The following ARL13B variants were observed in gnomAD, a reference collection of about 807,000 sequenced individuals.
ARL13B encodes the protein ADP-ribosylation factor-like protein 13B.
In ARL13B, 36 loss-of-function variants were observed where a neutral mutation model predicts 56.1. The observed-to-expected ratio is 0.64, with a 90% CI of 0.49 to 0.85. The LOEUF is 0.85. Ranked by LOEUF, ARL13B falls within the 40% of genes least tolerant of loss-of-function variation. The pLI, the probability that ARL13B is intolerant of heterozygous loss-of-function variation, is 0.00. For missense variants in ARL13B, 519 were observed against 507.1 expected (o/e 1.02, Z -0.23); for synonymous variants, 178 against 171.1 (o/e 1.04, Z -0.32).
At chr3:94,002,009 G>T (rs2076063889) in intron 2 of ARL13B, among the ~76,000 whole-genome samples, 1 of 152,096 alleles carries the variant, frequency 6.6e-6, no homozygotes, top group African/African-American at 2.4e-5. Flanking sequence ...ACTTTCTCAG[G>T]TGCTGTGTAA....
intron 3 of ARL13B, among the ~76,000 whole-genome samples, chr3:94,030,283 G>A (rs1173747210): frequency 6.6e-6 from 1 of 151,994 alleles, no homozygotes; most frequent in African/African-American, 2.4e-5. Context: ...CTGGAGTGCA[G>A]TGGCGCGATC....
rs555792435 is a variant in ARL13B at position 93,980,428 on chromosome 3, T to G, written c.5T>G (p.Phe2Cys). The change falls in exon 1 of 10, where the codon TTC (phenylalanine) becomes TGC (cysteine). Residue 2 changes from phenylalanine to cysteine, a missense_variant. Physicochemically the swap from Phe to Cys is radical, Grantham distance 205. Transcript: ENST00000394222. Reference protein sequence around the residue: MFSLMASCCGWF... With the variant: MCSLMASCCGWF... ...TGGTGGGAGGAGCGACCCGGGATGTTCAGTCTGATGGCCAGTTGCTGCGGC... is the reference window on the plus strand; with the variant it reads ...TGGTGGGAGGAGCGACCCGGGATGTGCAGTCTGATGGCCAGTTGCTGCGGC... 1.4e-4 allele frequency: 231 copies of G among 1,612,562 alleles called. 2 individuals carry two copies. The South Asian group carries it at 2.3e-3, about 16-fold the overall frequency.
chr3:94,045,740 A>C (rs2076970936), intron 7 of ARL13B, among the ~76,000 whole-genome samples: 1 of 151,790 alleles, frequency 6.6e-6, no homozygotes, highest in South Asian at 2.1e-4. Flanking sequence ...AGGCGGGAGG[A>C]TCACGAGGAC....
rs1320062005 is a variant in ARL13B at position 94,053,286 on chromosome 3, CT to C, written c.*25del. ...TAAACAAGACGTATGGAGGAGTTCTCTTAATATCAGCAAGGTGAACTGGGAC... is the reference window on the plus strand; with the variant it reads ...TAAACAAGACGTATGGAGGAGTTCTCTAATATCAGCAAGGTGAACTGGGAC... On this transcript the variant is annotated 3_prime_UTR_variant, in exon 10 of 10. Coordinates refer to ENST00000394222, the MANE Select transcript of ARL13B (RefSeq NM_001174150.2). The C allele has an allele frequency of 1.1e-5, 17 of 1,601,776 alleles. No homozygotes were observed. The highest frequency in any genetic ancestry group is 1.5e-5 in the Non-Finnish European group (17 of 1,169,698).
At position 94,036,563 on chromosome 3, in the gene ARL13B, A is replaced by G. The variant is rs1165339879; in HGVS notation, c.498A>G (p.Ser166=). Residue 166 remains serine (S), a synonymous_variant, in exon 5 of 10, where the codon TCA becomes TCG. Transcript: ENST00000394222. ...HKCLCQIEPC[S]AISGYGKKID... is the part of the protein sequence containing the mutation. ...AATTTCTGTTTTAGGAACCATGTTC[A>G]GCAATCTCGGGGTATGGAAAGAAAA... 1 of 1,614,082 alleles carries G rather than the reference A, an allele frequency of 6.2e-7. No homozygotes were observed. Among genetic ancestry groups the G allele is most frequent in the East Asian group, 2.2e-5 (1 of 44,860 alleles).
At position 94,036,592 on chromosome 3, in the gene ARL13B, A is replaced by G. The variant is rs1412694119; in HGVS notation, c.527A>G (p.Asp176Gly). 6.2e-7 allele frequency: 1 copy of G among 1,614,024 alleles called. No homozygotes were observed. Among genetic ancestry groups the G allele is most frequent in the Non-Finnish European group, 8.5e-7 (1 of 1,180,034 alleles). ...SAISGYGKKI[D>G]KSIKKGLYWL... ...ATCTCGGGGTATGGAAAGAAAATTGACAAGTCCATTAAAAAAGGCCTTTAT... is the reference window on the plus strand; with the variant it reads ...ATCTCGGGGTATGGAAAGAAAATTGGCAAGTCCATTAAAAAAGGCCTTTAT... The change falls in exon 5 of 10, where the codon GAC (aspartate) becomes GGC (glycine). Residue 176 changes from aspartate (D) to glycine (G), a missense_variant. Coordinates refer to ENST00000394222, the MANE Select transcript of ARL13B (RefSeq NM_001174150.2).
intron 1 of ARL13B, among the ~76,000 whole-genome samples, chr3:93,987,850 T>A (rs1349414163): frequency 3.9e-5 from 6 of 152,062 alleles, no homozygotes; most frequent in Non-Finnish European, 7.4e-5. Context: ...CTCACCATGT[T>A]GACCAGGCAT....
chr3:93,998,829 A>G (rs186337395), intron 2 of ARL13B, among the ~76,000 whole-genome samples: 8 of 151,690 alleles, frequency 5.3e-5, no homozygotes, highest in Non-Finnish European at 1.0e-4. Context: ...TGGTGTCACA[A>G]TTGTTTAGGC....
At chr3:93,987,743 G>A (rs1168409261) in intron 1 of ARL13B, among the ~76,000 whole-genome samples, 1 of 152,010 alleles carries the variant, frequency 6.6e-6, no homozygotes, top group Non-Finnish European at 1.5e-5. Context: ...TGACTGCCCG[G>A]GCTCAACCGA....
chr3:94,029,586 C>A (rs1323580770), intron 3 of ARL13B, among the ~76,000 whole-genome samples: 1 of 151,680 alleles, frequency 6.6e-6, no homozygotes, highest in Non-Finnish European at 1.5e-5. Context: ...GGTGATCCAC[C>A]TGCCTCAGCC....
At chr3:93,982,256 T>C (rs1352282490) in intron 1 of ARL13B, among the ~76,000 whole-genome samples, 2 of 152,224 alleles carry the variant, frequency 1.3e-5, no homozygotes, top group African/African-American at 2.4e-5. Context: ...GAACAGATAA[T>C]TGAATTTTCT....
chr3:93,993,151 A>G (rs1272987098), intron 1 of ARL13B, among the ~76,000 whole-genome samples: 2 of 151,250 alleles, frequency 1.3e-5, no homozygotes, highest in East Asian at 3.9e-4. Flanking sequence ...TTTGAGATAC[A>G]GTCCTGCTCT....
chr3:93,980,509 G>T (rs746520974), intron 1 of ARL13B, 27 bp downstream of exon 1: 1 of 1,607,416 alleles, frequency 6.2e-7, no homozygotes, highest in Non-Finnish European at 8.5e-7. Context: ...TGTCCTGGCC[G>T]TCCTAGGGGT....
intron 1 of ARL13B, among the ~76,000 whole-genome samples, chr3:93,991,366 G>A (rs1468286383): frequency 6.6e-6 from 1 of 152,088 alleles, no homozygotes; most frequent in Non-Finnish European, 1.5e-5. Flanking sequence ...GTATGTATGT[G>A]TGCATGCATG....
intron 1 of ARL13B, among the ~76,000 whole-genome samples, chr3:93,995,064 TGTC>T (rs1316367300): frequency 6.6e-6 from 1 of 152,192 alleles, no homozygotes; most frequent in Non-Finnish European, 1.5e-5. Flanking sequence ...GGTAATGGAC[TGTC>T]TCACCTGTTA....
chr3:93,981,883 A>AG (rs887832677), intron 1 of ARL13B, among the ~76,000 whole-genome samples: 7 of 150,982 alleles, frequency 4.6e-5, no homozygotes, highest in South Asian at 2.1e-4. Context: ...AAAAAAAAAA[A>AG]AAAAAAGAAA....
At chr3:93,985,847 T>A (rs1710436858) in intron 1 of ARL13B, among the ~76,000 whole-genome samples, 1 of 152,184 alleles carries the variant, frequency 6.6e-6, no homozygotes, top group Admixed American at 6.5e-5. Context: ...TACTTCAAAT[T>A]TATTAGTAAA....
chr3:94,038,797 A>T (rs1324150522), intron 5 of ARL13B, among the ~76,000 whole-genome samples: 1 of 151,962 alleles, frequency 6.6e-6, no homozygotes, highest in East Asian at 1.9e-4. Flanking sequence ...CTGGGATTAC[A>T]GGCGTGAGCC....
Position 94,055,297 on chromosome 3 carries a change from C to T in ARL13B, c.*2034C>T. 2.4e-6 allele frequency: 1 copy of T among 415,306 alleles called. No individual in the cohort carries two copies. The allele number at this position is 415,306 out of a possible 1,614,324, so 25.7% of individuals were successfully genotyped here. ...TATATCAATATTCTGTTTCTCTTTT[C>T]AATTGGTAGATTTAAATGATTTCCT... On this transcript the variant is annotated 3_prime_UTR_variant, in exon 10 of 10. Transcript: ENST00000394222.
Sources: allele counts gnomAD v4.1 joint callset (sites outside exome capture counted in the v4.1 genomes callset), GRCh38; gene constraint gnomAD v4.1.1; transcripts MANE v1.5; gene names NCBI Gene and HGNC (gene_info 2026-07-23, HGNC 2026-07-21).